The following RAB11FIP1 variants were observed in gnomAD, a reference collection of about 807,000 sequenced individuals.
RAB11FIP1 encodes the protein RAB11 family interacting protein 1.
Under a neutral mutation model 83.1 loss-of-function variants are expected in RAB11FIP1, and 49 were observed. The observed-to-expected ratio is 0.59, with a 90% CI of 0.47 to 0.75. The LOEUF (loss-of-function observed/expected upper bound fraction) is 0.75. Among genes scored for constraint, RAB11FIP1 ranks in the 30% least tolerant of loss-of-function variants. RAB11FIP1 has a pLI of 0.00. For missense variants in RAB11FIP1, 1,536 were observed against 1,598.7 expected (o/e 0.96, Z 0.67); for synonymous variants, 670 against 656.0 (o/e 1.02, Z -0.33).
chr8:37,865,310 G>A (rs1806320477), intron 5 of RAB11FIP1, among the ~76,000 whole-genome samples: 2 of 134,722 alleles, frequency 1.5e-5, no homozygotes, highest in Admixed American at 1.7e-4. Context: ...ATTTTTCCTG[G>A]GATTCTTTTT....
chr8:37,894,914 C>T (rs1807033847), intron 1 of RAB11FIP1, among the ~76,000 whole-genome samples: 1 of 149,952 alleles, frequency 6.7e-6, no homozygotes, highest in South Asian at 2.1e-4. Context: ...CCTGCCACCA[C>T]GTCCAGCTAA....
chr8:37,873,674 CAA>C (rs1183208053), intron 3 of RAB11FIP1, among the ~76,000 whole-genome samples: 4 of 151,886 alleles, frequency 2.6e-5, no homozygotes, highest in Non-Finnish European at 2.9e-5. Context: ...ATCCGTCACA[CAA>C]AAGTCTGTTG....
Position 37,877,372 on chromosome 8 carries a change from C to T in RAB11FIP1, c.551G>A (p.Ser184Asn). 6.2e-7 allele frequency: 1 copy of T among 1,614,240 alleles called. No individual in the cohort carries two copies. The highest frequency in any genetic ancestry group is 1.1e-5 in the South Asian group (1 of 91,088). Reference protein sequence around the residue: ...KDKIKGKNKDSGSDTASAIIP... With the variant: ...KDKIKGKNKDNGSDTASAIIP... Reference sequence around the variant, plus strand: ...GATGGCGGAGGCGGTGTCTGACCCACTGTCCTTATTCTTCCCCTTGATCTT... The same window carrying T: ...GATGGCGGAGGCGGTGTCTGACCCATTGTCCTTATTCTTCCCCTTGATCTT... Residue 184 changes from serine (S) to asparagine (N), a missense_variant, in exon 2 of 6, where the codon AGT (serine) becomes AAT (asparagine). Coordinates refer to ENST00000330843, the MANE Select transcript of RAB11FIP1 (RefSeq NM_001002814.3).
intron 2 of RAB11FIP1, among the ~76,000 whole-genome samples, chr8:37,876,210 A>AAAGAAAGGAAGG (rs1274515798): frequency 7.7e-6 from 1 of 129,584 alleles, no homozygotes; most frequent in Non-Finnish European, 1.7e-5. Flanking sequence ...AAAAGAAAAG[A>AAAGAAAGGAAGG]AAGAAAGGAA....
chr8:37,897,972 G>C (rs1219463359), intron 1 of RAB11FIP1, among the ~76,000 whole-genome samples: 1 of 152,196 alleles, frequency 6.6e-6, no homozygotes, highest in Non-Finnish European at 1.5e-5. Flanking sequence ...TTTAGGGTGG[G>C]GGTGTCAGCT....
chr8:37,868,181 G>A (rs1806380402), intron 5 of RAB11FIP1, among the ~76,000 whole-genome samples: 1 of 152,182 alleles, frequency 6.6e-6, no homozygotes, highest in African/African-American at 2.4e-5. Flanking sequence ...CAGCACTTTT[G>A]GAGGCTGAGG....
Position 37,872,716 on chromosome 8 carries a change from G to A in RAB11FIP1, c.2086C>T (p.Gln696Ter). ...SLELEESLPE[Q>*]PETGRQEEEL... The stretch of plus-strand genomic sequence containing the variant: ...TCCTCTTGTCGCCCTGTTTCAGGCT[G>A]CTCTGGGAGAGACTCCTCCAACTCA... The change falls in exon 4 of 6, where the codon CAG becomes TAG. Residue 696 changes from glutamine (Q) to a stop codon, truncating the protein, a stop_gained. Coordinates refer to ENST00000330843, the MANE Select transcript of RAB11FIP1 (RefSeq NM_001002814.3). LOFTEE classifies it high-confidence loss of function. 6.2e-7 allele frequency: 1 copy of A among 1,614,210 alleles called. No individual in the cohort carries two copies. The highest frequency in any genetic ancestry group is 8.5e-7 in the Non-Finnish European group (1 of 1,180,032).
chr8:37,888,354 C>T (rs1216504857), intron 1 of RAB11FIP1, among the ~76,000 whole-genome samples: 5 of 152,106 alleles, frequency 3.3e-5, no homozygotes, highest in Admixed American at 3.3e-4. Context: ...TGATCCGCCC[C>T]CTTTGGCCTC....
chr8:37,887,460 A>G (rs1229213864), intron 1 of RAB11FIP1, among the ~76,000 whole-genome samples: 2 of 150,812 alleles, frequency 1.3e-5, no homozygotes, highest in East Asian at 3.9e-4. Flanking sequence ...GAACCTGGAA[A>G]GTGGAGGTTG....
rs369776036 is a variant in RAB11FIP1 at position 37,889,018 on chromosome 8, C to T, written c.371+10053G>A. Among the ~76,000 whole-genome samples the T allele has an allele frequency of 9.9e-5, 15 of 151,624 alleles. 1 individual carries two copies. Among genetic ancestry groups the T allele is most frequent in the East Asian group, 9.7e-4 (5 of 5,146 alleles). ...TTCACCATGTTAGCCAAGATGGTCT[C>T]GATCTCCTGACCTCGTGATCTGCCC... On this transcript the variant is annotated intron_variant, in intron 1 of 5. Transcript: ENST00000330843.
At chr8:37,880,304 T>G (rs1585439627) in intron 1 of RAB11FIP1, among the ~76,000 whole-genome samples, 1 of 151,406 alleles carries the variant, frequency 6.6e-6, no homozygotes, top group African/African-American at 2.4e-5. Context: ...AAAAAAAAAA[T>G]TTTTGTTTTT....
rs917451293 is a variant in RAB11FIP1 at position 37,899,093 on chromosome 8, C to T, written c.349G>A (p.Asp117Asn). 2.0e-6 allele frequency: 3 copies of T among 1,518,888 alleles called. No individual in the cohort carries two copies. The highest frequency in any genetic ancestry group is 2.6e-6 in the Non-Finnish European group (3 of 1,142,342). The allele number at this position is 1,518,888 out of a possible 1,614,324, so 94.1% of individuals were successfully genotyped here. A position where few individuals can be genotyped will look rare whatever the true frequency, so the allele number is the denominator to read the frequency against. ...AEVDLRDLHR[D>N]QGRRKTQWYK... ...CACTGCGTCTTCCTGCGGCCCTGGTCGCGGTGCAGATCCCGCAGGTCCACC... is the reference window on the plus strand; with the variant it reads ...CACTGCGTCTTCCTGCGGCCCTGGTTGCGGTGCAGATCCCGCAGGTCCACC... Residue 117 changes from aspartate (D) to asparagine (N), a missense_variant, in exon 1 of 6, where the codon GAC (aspartate) becomes AAC (asparagine). Asp to Asn is a conservative substitution (Grantham distance 23, BLOSUM62 1). Coordinates refer to ENST00000330843, the MANE Select transcript of RAB11FIP1 (RefSeq NM_001002814.3). The surrounding 1 kb of genome is among the most constrained non-coding windows in gnomAD (Gnocchi z 4.5).
At chr8:37,875,950 T>A (rs1277679933) in intron 2 of RAB11FIP1, among the ~76,000 whole-genome samples, 2 of 152,152 alleles carry the variant, frequency 1.3e-5, no homozygotes, top group African/African-American at 4.8e-5. Flanking sequence ...ATCCCAGCAC[T>A]TTGGGAGGCC....
At chr8:37,863,189 A>C (rs866921965) in intron 5 of RAB11FIP1, 76 bp from the exon 6 acceptor site, 1 of 1,107,880 alleles carries the variant, frequency 9.0e-7, no homozygotes, top group African/African-American at 1.6e-5. Flanking sequence ...AAAGAAGTAC[A>C]AAGGAGGAAA....
intron 5 of RAB11FIP1, among the ~76,000 whole-genome samples, chr8:37,863,468 G>A (rs1405748394): frequency 6.6e-6 from 1 of 152,076 alleles, no homozygotes; most frequent in Non-Finnish European, 1.5e-5. Flanking sequence ...GGCTGGTCTT[G>A]AACTCCTGAC....
At position 37,899,275 on chromosome 8, in the gene RAB11FIP1, A is replaced by G. The variant is rs774731084; in HGVS notation, c.167T>C (p.Val56Ala). Residue 56 changes from valine (V) to alanine (A), a missense_variant, in exon 1 of 6, where the codon GTG (valine) becomes GCG (alanine). By Grantham distance (64) the Val-to-Ala change is moderately conservative. Transcript: ENST00000330843. This position sits in a 1 kb window ranked among gnomAD's most constrained non-coding sequence, Gnocchi z 4.5. ...QVGKEKYATS[V>A]SERSLGAPVW... ...GGGCGCGCCCAGGCTGCGCTCCGAC[A>G]CGGAGGTGGCGTACTTCTCCTTGCC... 3.1e-5 allele frequency: 50 copies of G among 1,608,072 alleles called. No homozygotes were observed. In the Middle Eastern group the frequency reaches 6.6e-4, roughly 21 times the overall value.
intron 1 of RAB11FIP1, among the ~76,000 whole-genome samples, chr8:37,895,906 T>C (rs1807078868): frequency 6.6e-6 from 1 of 151,988 alleles, no homozygotes; most frequent in South Asian, 2.1e-4. Flanking sequence ...ACACACAATC[T>C]ACAGACCAAG....
chr8:37,882,346 T>C (rs528370448), intron 1 of RAB11FIP1, among the ~76,000 whole-genome samples: 1 of 152,318 alleles, frequency 6.6e-6, no homozygotes, highest in Admixed American at 6.5e-5. Context: ...TGGATAATGT[T>C]TACCAAACAG....
intron 5 of RAB11FIP1, among the ~76,000 whole-genome samples, chr8:37,866,482 CT>C (rs1362447119): frequency 3.3e-5 from 5 of 152,138 alleles, no homozygotes; most frequent in African/African-American, 7.2e-5. Flanking sequence ...TTACCCTGGA[CT>C]TTTCCTTTTA....
Sources: allele counts gnomAD v4.1 joint callset (sites outside exome capture counted in the v4.1 genomes callset), GRCh38; gene constraint gnomAD v4.1.1; non-coding constraint Gnocchi (gnomAD v3.1); transcripts MANE v1.5; gene names NCBI Gene and HGNC (gene_info 2026-07-23, HGNC 2026-07-21).